CCDC81: variants seen among roughly 807,000 people sequenced by gnomAD.
CCDC81 encodes the protein coiled-coil domain-containing protein 81.
In CCDC81, 79 loss-of-function variants were observed where a neutral mutation model predicts 83.7. The observed-to-expected ratio is 0.94, with a 90% CI of 0.79 to 1.14. The LOEUF (loss-of-function observed/expected upper bound fraction) is 1.14. CCDC81 is among the 50% of genes most tolerant of loss of function. CCDC81 has a pLI of 0.00. For synonymous variants in CCDC81, 252 were observed against 278.1 expected (o/e 0.91, Z 0.93); for missense variants, 791 against 778.1 (o/e 1.02, Z -0.20).
chr11:86,412,537 G>T lies in CCDC81; in HGVS notation c.1369G>T (p.Glu457Ter), dbSNP rs765032186. 4.3e-6 allele frequency: 7 copies of T among 1,610,428 alleles called. No individual in the cohort carries two copies. Among genetic ancestry groups the T allele is most frequent in the Non-Finnish European group, 5.9e-6 (7 of 1,178,890 alleles). ...ATACAGAGAGTTGATGGACCGCCTG[G>T]AACAAGTGCAACTCACAGAGGAGTG... ...RQYRELMDRL[E>*]QVQLTEELAA... The change falls in exon 11 of 15, where the codon GAA becomes TAA. Residue 457 changes from glutamate (E) to a stop codon, truncating the protein, a stop_gained. Coordinates refer to ENST00000445632, the MANE Select transcript of CCDC81 (RefSeq NM_001156474.2). LOFTEE classifies it high-confidence loss of function.
At chr11:86,408,399 C>A (rs979658150) in intron 9 of CCDC81, 129 bp downstream of exon 9, 3 of 808,310 alleles carry the variant, frequency 3.7e-6, no homozygotes, top group Non-Finnish European at 5.4e-6. Context: ...GTGGCACAAC[C>A]TCTGCTCACT....
rs866033325 is a variant in CCDC81 at position 86,387,610 on chromosome 11, T to G, written c.236T>G (p.Phe79Cys). The change falls in exon 3 of 15, where the codon TTT becomes TGT. Residue 79 changes from phenylalanine (F) to cysteine (C), a missense_variant. By Grantham distance (205) the Phe-to-Cys change is radical. Transcript: ENST00000445632. ...NKFILIQRPVFIMVEKLVQIH... is the reference protein window; with the variant it reads ...NKFILIQRPVCIMVEKLVQIH... ...TTTATCTTAATCCAGAGGCCTGTGT[T>G]TATCATGGTGGAGAAGCTAGTGCAG... 23 of 1,612,194 alleles carry G rather than the reference T, an allele frequency of 1.4e-5. No homozygotes were observed. The Admixed American group carries it at 3.2e-4, about 22-fold the overall frequency.
chr11:86,380,042 C>CTT (rs34548401), intron 1 of CCDC81, among the ~76,000 whole-genome samples: 5 of 144,646 alleles, frequency 3.5e-5, no homozygotes, highest in African/African-American at 1.3e-4. Flanking sequence ...ATGGTCTTCC[C>CTT]TTTTTTTTTT....
In CCDC81 at chr11:86,415,104, A is replaced by G. The variant is rs551981904; in HGVS notation, c.1482A>G (p.Lys494=). The G allele has an allele frequency of 1.6e-5, 26 of 1,614,034 alleles. No individual in the cohort carries two copies. The South Asian group carries it at 2.5e-4, about 16-fold the overall frequency. ...TATCTCTGTTTAAGATAAAGAACAA[A>G]CCCTCTCGGCTGCCCCCCTTTGAGC... ...KRALDAQIKN[K]PSRLPPFEPD... is the part of the protein sequence containing the mutation. The change falls in exon 13 of 15, where the codon AAA becomes AAG. Residue 494 remains lysine (K), a synonymous_variant. Coordinates refer to ENST00000445632, the MANE Select transcript of CCDC81 (RefSeq NM_001156474.2).
rs753502242 is a variant in CCDC81 at position 86,415,279 on chromosome 11, C to CG, written c.1660dup (p.Asp554GlyfsTer19). ...CCTGCATCAACTAGTGGACCAGAGG[C>CG]GGGATTTGCAAATGCTTCAGAGGAC... On this transcript the variant is annotated frameshift_variant, in exon 13 of 15. Coordinates refer to ENST00000445632, the MANE Select transcript of CCDC81 (RefSeq NM_001156474.2). LOFTEE classifies it high-confidence loss of function. 300 of 1,614,020 alleles carry CG rather than the reference C, an allele frequency of 1.9e-4. No homozygotes were observed. The highest frequency in any genetic ancestry group is 2.4e-4 in the Non-Finnish European group (282 of 1,180,016).
intron 7 of CCDC81, among the ~76,000 whole-genome samples, chr11:86,404,241 A>G (rs1335112989): frequency 1.3e-5 from 2 of 152,180 alleles, no homozygotes; most frequent in African/African-American, 4.8e-5. Context: ...ATTAAAAAAT[A>G]AAGTGTTCTG....
At chr11:86,376,666 T>C (rs1232165223) in intron 1 of CCDC81, among the ~76,000 whole-genome samples, 3 of 152,166 alleles carry the variant, frequency 2.0e-5, no homozygotes, top group Non-Finnish European at 4.4e-5. Context: ...GAGATTTGGG[T>C]GGGGAAACAA....
intron 14 of CCDC81, among the ~76,000 whole-genome samples, chr11:86,421,481 TTG>T (rs1479341024): frequency 2.1e-4 from 32 of 152,274 alleles, no homozygotes; most frequent in Non-Finnish European, 4.0e-4. Context: ...GGCTAATTTT[TTG>T]TGTTTTTTAG....
At chr11:86,403,289 TATATC>T (rs777504606) in intron 7 of CCDC81, among the ~76,000 whole-genome samples, 2 of 152,184 alleles carry the variant, frequency 1.3e-5, no homozygotes, top group African/African-American at 4.8e-5. Flanking sequence ...GAGAACTTCA[TATATC>T]ATAAGTATGA....
At position 86,422,609 on chromosome 11, in the gene CCDC81, A is replaced by G. The variant is rs1948808779; in HGVS notation, c.1853A>G (p.Glu618Gly). Reference sequence around the variant, plus strand: ...AAGCTGTTTCTCCTAGACCAGTGTGAGAAGTATCGGCGCTGCAAGCAATGC... The same window carrying G: ...AAGCTGTTTCTCCTAGACCAGTGTGGGAAGTATCGGCGCTGCAAGCAATGC... ...SDKLFLLDQC[E>G]KYRRCKQCQR... The change falls in exon 15 of 15, where the codon GAG becomes GGG. Residue 618 changes from glutamate to glycine, a missense_variant. By Grantham distance (98) the Glu-to-Gly change is moderately conservative. Transcript: ENST00000445632. 1.2e-6 allele frequency: 2 copies of G among 1,613,930 alleles called. No homozygotes were observed. Among genetic ancestry groups the G allele is most frequent in the South Asian group, 2.2e-5 (2 of 91,074 alleles).
At chr11:86,386,247 T>C in intron 2 of CCDC81, 135 bp downstream of exon 2, 1 of 262,192 alleles carries the variant, frequency 3.8e-6, no homozygotes, top group Non-Finnish European at 7.1e-6. Context: ...GCCATCCTGT[T>C]TAACTTTCAG....
intron 8 of CCDC81, 142 bp from the exon 9 acceptor site, chr11:86,407,985 C>A (rs772337107): frequency 2.1e-5 from 17 of 795,328 alleles, no homozygotes; most frequent in Non-Finnish European, 3.3e-5. Flanking sequence ...GTCCACTCTG[C>A]AAATCTCATT....
At chr11:86,412,269 G>T in intron 10 of CCDC81, 118 bp from the exon 11 acceptor site, 1 of 805,484 alleles carries the variant, frequency 1.2e-6, no homozygotes, top group South Asian at 1.8e-5. Flanking sequence ...TCCGTGTGTT[G>T]AGGGCTGGGC....
intron 1 of CCDC81, among the ~76,000 whole-genome samples, chr11:86,385,366 C>G (rs1237001976): frequency 6.6e-6 from 1 of 151,922 alleles, no homozygotes; most frequent in Non-Finnish European, 1.5e-5. Flanking sequence ...GCCTGGGTGA[C>G]AGAGTGATAC....
At chr11:86,391,573 T>G (rs1468842817) in intron 3 of CCDC81, among the ~76,000 whole-genome samples, 1 of 152,216 alleles carries the variant, frequency 6.6e-6, no homozygotes, top group African/African-American at 2.4e-5. Context: ...GTGTCATATA[T>G]GGGCTCATTA....
At chr11:86,386,650 C>A (rs138914047) in intron 2 of CCDC81, among the ~76,000 whole-genome samples, 1 of 152,306 alleles carries the variant, frequency 6.6e-6, no homozygotes, top group African/African-American at 2.4e-5. Flanking sequence ...AACTTTTATA[C>A]CCCATTCAGA....
rs12291394 is a variant in CCDC81, at chr11:86,403,068, G to C, written c.881+2267G>C. On this transcript the variant is annotated intron_variant, in intron 7 of 14. Transcript: ENST00000445632. ...GGGGTCTTAGTATGTTGTGTAGGCT[G>C]GTCTAGAACTCCTGGCCTCAAGCAA... Among the ~76,000 whole-genome samples, 3 of 133,966 alleles carry C rather than the reference G, an allele frequency of 2.2e-5. No individual in the cohort carries two copies. In the East Asian group the frequency reaches 6.3e-4, roughly 28 times the overall value. The allele number at this position is 133,966 out of a possible 152,430, so 87.9% of individuals were successfully genotyped here. A position where few individuals can be genotyped will look rare whatever the true frequency, so the allele number is the denominator to read the frequency against.
At chr11:86,407,836 A>G (rs1174804278) in intron 8 of CCDC81, 135 bp downstream of exon 8, 1 of 697,140 alleles carries the variant, frequency 1.4e-6, no homozygotes, top group Non-Finnish European at 2.4e-6. Context: ...GCTCAAAACT[A>G]GACTGTGATA....
chr11:86,387,484 GAA>G (rs1948258862), intron 2 of CCDC81, 30 bp from the exon 3 acceptor site: 1 of 1,606,434 alleles, frequency 6.2e-7, no homozygotes, highest in African/African-American at 1.3e-5. Flanking sequence ...CTCCTTCAAT[GAA>G]TTCTGTTTTG....
Sources: allele counts gnomAD v4.1 joint callset (sites outside exome capture counted in the v4.1 genomes callset), GRCh38; gene constraint gnomAD v4.1.1; transcripts MANE v1.5; gene names NCBI Gene and HGNC (gene_info 2026-07-23, HGNC 2026-07-21).